PALLD: variants seen among roughly 807,000 people sequenced by gnomAD.
PALLD encodes palladin, cytoskeletal associated protein, also known as palladin.
In PALLD, 61 loss-of-function variants were observed where a neutral mutation model predicts 123.5. The observed-to-expected ratio is 0.49, with a 90% confidence interval of 0.40 to 0.61. The LOEUF is 0.61. Ranked by LOEUF, PALLD falls within the 20% of genes least tolerant of loss-of-function variation. The pLI is 0.00. For missense variants in PALLD, 1,273 were observed against 1,377.0 expected (o/e 0.92, Z 1.20); for synonymous variants, 465 against 496.4 (o/e 0.94, Z 0.84).
rs1303155354 is a variant in PALLD, at chr4:168,905,153, T to G, written c.2622+1247T>G. On this transcript the variant is annotated intron_variant, in intron 15 of 21. Coordinates refer to ENST00000505667, the MANE Select transcript of PALLD (RefSeq NM_001166108.2). ...TGTTTTGTTGGTTTTTTTTTTTTTT[T>G]TTTTTTTTTTTTTTTGAGATGGAAT... 2.3e-4 allele frequency among the ~76,000 whole-genome samples: 31 copies of G among 134,444 alleles called. 3 individuals carry two copies. The highest frequency in any genetic ancestry group is 3.5e-4 in the Non-Finnish European group (22 of 62,330). 88.2% of individuals were successfully genotyped at this position (134,444 alleles called of 152,430 possible). A position where few individuals can be genotyped will look rare whatever the true frequency, so the allele number is the denominator to read the frequency against.
intron 10 of PALLD, among the ~76,000 whole-genome samples, chr4:168,803,430 A>G (rs761184136): frequency 2.6e-5 from 4 of 152,220 alleles, no homozygotes; most frequent in Admixed American, 1.3e-4. Context: ...AAAATTTTAA[A>G]AAGAAAATTG....
At chr4:168,628,580 C>G (rs1216358727) in intron 2 of PALLD, among the ~76,000 whole-genome samples, 1 of 152,152 alleles carries the variant, frequency 6.6e-6, no homozygotes, top group Non-Finnish European at 1.5e-5. Context: ...TCCAAATAAT[C>G]CCAAAGCTCA....
At chr4:168,588,258 A>T (rs1242977561) in intron 2 of PALLD, among the ~76,000 whole-genome samples, 1 of 152,018 alleles carries the variant, frequency 6.6e-6, no homozygotes, top group East Asian at 1.9e-4. Context: ...GAGCTATGAA[A>T]CTGGCCCATT....
intron 2 of PALLD, among the ~76,000 whole-genome samples, chr4:168,602,582 T>C (rs190876284): frequency 1.3e-5 from 2 of 152,334 alleles, no homozygotes; most frequent in East Asian, 3.9e-4. Context: ...CTAGCTCTGT[T>C]GCTCAGCGTA....
intron 18 of PALLD, among the ~76,000 whole-genome samples, chr4:168,922,085 TTATA>T (rs149658107): frequency 0.037 from 4,923 of 134,168 alleles, 275 homozygotes; most frequent in African/African-American, 0.12. Flanking sequence ...AGTTTTATAT[TTATA>T]TATATATATA....
intron 2 of PALLD, among the ~76,000 whole-genome samples, chr4:168,584,876 G>A (rs2149666598): frequency 6.6e-6 from 1 of 152,238 alleles, no homozygotes; most frequent in East Asian, 1.9e-4. Flanking sequence ...TAGGCCAATG[G>A]TGAGCAAAAT....
intron 10 of PALLD, among the ~76,000 whole-genome samples, chr4:168,884,742 C>A (rs891964698): frequency 2.0e-5 from 3 of 152,208 alleles, no homozygotes; most frequent in Non-Finnish European, 4.4e-5. Context: ...AAATTCTGGT[C>A]AAGAATTCTT....
At chr4:168,671,145 A>G (rs1000878019) in intron 3 of PALLD, among the ~76,000 whole-genome samples, 20 of 152,154 alleles carry the variant, frequency 1.3e-4, no homozygotes, top group African/African-American at 4.8e-4. Context: ...ATAAAATCAT[A>G]TATATACTAT....
At chr4:168,907,121 G>GATAATA (rs149118003) in intron 15 of PALLD, among the ~76,000 whole-genome samples, 2 of 150,966 alleles carry the variant, frequency 1.3e-5, no homozygotes, top group Non-Finnish European at 3.0e-5. Context: ...AAATGAGGAT[G>GATAATA]ATAATAATAA....
chr4:168,792,494 A>T (rs1383224942), intron 10 of PALLD, among the ~76,000 whole-genome samples: 1 of 151,794 alleles, frequency 6.6e-6, no homozygotes, highest in Non-Finnish European at 1.5e-5. Context: ...GCCTACCCAA[A>T]ATCTTGGCAT....
Position 168,883,918 on chromosome 4 carries a change from A to AT in PALLD, c.1965-7000dup, listed in dbSNP as rs1371136514. ...TTGGTAACTACTAACTTTGAATACT[A>AT]TTTTATTTTTTTTTAATTGTGCAAA... On this transcript the variant is annotated intron_variant, in intron 10 of 21. Transcript: ENST00000505667. Among the ~76,000 whole-genome samples, 35 of 129,402 alleles carry AT rather than the reference A, an allele frequency of 2.7e-4. 1 individual carries two copies. The highest frequency in any genetic ancestry group is 1.6e-3 in the East Asian group (6 of 3,774). The allele number at this position is 129,402 out of a possible 152,430, so 84.9% of individuals were successfully genotyped here. A position where few individuals can be genotyped will look rare whatever the true frequency, so the allele number is the denominator to read the frequency against.
Position 168,915,934 on chromosome 4 carries a change from A to G in PALLD, c.2757A>G (p.Glu919=). The part of the protein sequence containing the change: ...SRSRDSGDEN[E]PIQERFFRPH... ...CAAGGGACAGTGGAGACGAAAATGA[A>G]CCAATTCAGGAGCGATTCTTCAGAC... is the stretch of plus-strand genomic sequence containing the variant. The change falls in exon 17 of 22, where the codon GAA becomes GAG. Residue 919 remains glutamate, a synonymous_variant. Coordinates refer to ENST00000505667, the MANE Select transcript of PALLD (RefSeq NM_001166108.2). The G allele has an allele frequency of 1.2e-6, 2 of 1,613,498 alleles. 1 individual carries two copies. Among genetic ancestry groups the G allele is most frequent in the East Asian group, 4.5e-5 (2 of 44,868 alleles).
intron 2 of PALLD, among the ~76,000 whole-genome samples, chr4:168,634,040 T>C (rs1776097252): frequency 6.6e-6 from 1 of 152,244 alleles, no homozygotes; most frequent in Admixed American, 6.5e-5. Flanking sequence ...GGCAGTTGCA[T>C]GAGCTTTGTT....
chr4:168,628,394 G>A (rs1775505208), intron 2 of PALLD, among the ~76,000 whole-genome samples: 1 of 152,160 alleles, frequency 6.6e-6, no homozygotes, highest in Admixed American at 6.5e-5. Flanking sequence ...TACTTACACT[G>A]GTTTAGCGGG....
At chr4:168,796,655 G>C (rs914801322) in intron 10 of PALLD, among the ~76,000 whole-genome samples, 1 of 152,146 alleles carries the variant, frequency 6.6e-6, no homozygotes, top group Admixed American at 6.5e-5. Context: ...TATTCAAATG[G>C]CATATCTTCT....
intron 10 of PALLD, among the ~76,000 whole-genome samples, chr4:168,886,763 A>G (rs1164192481): frequency 2.0e-5 from 3 of 152,216 alleles, no homozygotes; most frequent in Non-Finnish European, 4.4e-5. Flanking sequence ...ATTGTAGGAA[A>G]TTAGGAATTA....
intron 10 of PALLD, chr4:168,832,118 G>A: frequency 4.1e-6 from 4 of 985,444 alleles, no homozygotes; most frequent in Non-Finnish European, 4.8e-6. Flanking sequence ...TGCAGCTCCC[G>A]CTCGCTCCGG....
At chr4:168,737,784 T>G (rs1361076959) in intron 10 of PALLD, among the ~76,000 whole-genome samples, 1 of 152,186 alleles carries the variant, frequency 6.6e-6, no homozygotes, top group Non-Finnish European at 1.5e-5. Context: ...AAGAAATAAT[T>G]CGGCCCATAC....
intron 15 of PALLD, among the ~76,000 whole-genome samples, chr4:168,907,121 GATAATA>G (rs149118003): frequency 8.6e-5 from 13 of 150,966 alleles, no homozygotes; most frequent in African/African-American, 2.9e-4. Context: ...AAATGAGGAT[GATAATA>G]ATAATAATAA....
Sources: gnomAD v4.1 joint callset for allele counts (sites outside exome capture counted in the v4.1 genomes callset) on GRCh38, gnomAD v4.1.1 for gene constraint, MANE v1.5 for transcripts, NCBI Gene and HGNC (gene_info 2026-07-23, HGNC 2026-07-21) for gene names.